PDE4D: variants seen among roughly 807,000 people sequenced by gnomAD.
The protein encoded by PDE4D is phosphodiesterase 4D.
PDE4D carries 24 observed loss-of-function variants against 87.4 expected under a neutral mutation model. The observed-to-expected ratio is 0.27, with a 90% CI of 0.20 to 0.39. The LOEUF (loss-of-function observed/expected upper bound fraction) is 0.39, where lower values mean the gene tolerates loss of function less well. Among genes scored for constraint, PDE4D ranks in the 10% least tolerant of loss-of-function variants. The probability of loss-of-function intolerance (pLI) is 1.00; values close to 1 mark genes in which losing one functional copy is unlikely to be tolerated. For missense variants in PDE4D, 714 were observed against 1,041.0 expected, an observed-to-expected ratio of 0.69 and a Z score of 4.32; for synonymous variants, 384 against 383.2, an observed-to-expected ratio of 1.00 and a Z score of -0.02.
chr5:59,980,826 A>G (rs1761850683), intron 3 of PDE4D, among the ~76,000 whole-genome samples: 2 of 152,334 alleles, frequency 1.3e-5, no homozygotes, highest in Admixed American at 1.3e-4. Flanking sequence ...AGGTGAGAAA[A>G]AAGTCAGCAT....
chr5:59,085,652 A>T (rs1235276078), intron 5 of PDE4D, among the ~76,000 whole-genome samples: 1 of 152,184 alleles, frequency 6.6e-6, no homozygotes, highest in East Asian at 1.9e-4. Context: ...GGCACGGCAA[A>T]ATGTGCGGAT....
chr5:60,471,009 T>C (rs1747776926), intron 1 of PDE4D, among the ~76,000 whole-genome samples: 1 of 152,158 alleles, frequency 6.6e-6, no homozygotes, highest in African/African-American at 2.4e-5. Context: ...ATTCCTCTAA[T>C]GGATATGAGC....
At chr5:59,354,132 C>T (rs1211211333) in intron 1 of PDE4D, among the ~76,000 whole-genome samples, 1 of 151,992 alleles carries the variant, frequency 6.6e-6, no homozygotes, top group East Asian at 1.9e-4. Flanking sequence ...AGAAAAATGA[C>T]ACTACAATAG....
chr5:59,768,487 T>C (rs1763088827), intron 1 of PDE4D: 1 of 1,598,318 alleles, frequency 6.3e-7, no homozygotes, highest in Non-Finnish European at 8.5e-7. Flanking sequence ...TGTTAAAGTG[T>C]CCGGGCTTGT....
chr5:59,018,870 G>A (rs566561714), intron 6 of PDE4D, among the ~76,000 whole-genome samples: 134 of 150,936 alleles, frequency 8.9e-4, no homozygotes, highest in Non-Finnish European at 1.8e-3. Flanking sequence ...TGTCACTCCC[G>A]TTTCACAGAT....
At chr5:59,243,639 T>C (rs1238075911) in intron 1 of PDE4D, among the ~76,000 whole-genome samples, 1 of 151,744 alleles carries the variant, frequency 6.6e-6, no homozygotes, top group African/African-American at 2.4e-5. Context: ...TTTGTATTTT[T>C]AGTAGAGATG....
chr5:60,429,922 A>C (rs1744065281), intron 1 of PDE4D: 1 of 440,076 alleles, frequency 2.3e-6, no homozygotes, highest in Non-Finnish European at 4.5e-6. Context: ...ATTCACACCG[A>C]CTGTAGATTT....
At chr5:60,383,466 C>T (rs751857130) in intron 1 of PDE4D, among the ~76,000 whole-genome samples, 16 of 152,184 alleles carry the variant, frequency 1.1e-4, no homozygotes, top group Non-Finnish European at 2.2e-4. Flanking sequence ...GGAAAACACA[C>T]TACAGCTAAG....
intron 1 of PDE4D, among the ~76,000 whole-genome samples, chr5:59,868,890 T>C (rs1747421320): frequency 6.6e-6 from 1 of 152,192 alleles, no homozygotes; most frequent in Admixed American, 6.5e-5. Context: ...ATTTCCCATC[T>C]CCTCTAAAAC....
intron 1 of PDE4D, among the ~76,000 whole-genome samples, chr5:59,383,159 G>A (rs1476903228): frequency 2.6e-5 from 4 of 152,110 alleles, no homozygotes; most frequent in Admixed American, 2.0e-4. Flanking sequence ...AAATTCAAGT[G>A]TTTCACTCAG....
intron 1 of PDE4D, among the ~76,000 whole-genome samples, chr5:59,399,801 G>C (rs75301047): frequency 0.56 from 56,385 of 100,020 alleles, 22,542 homozygotes; most frequent in Middle Eastern, 0.75. Context: ...AGGCAACCTA[G>C]AAAATGGGAG....
intron 1 of PDE4D, among the ~76,000 whole-genome samples, chr5:59,619,756 G>A (rs1226179963): frequency 2.0e-5 from 3 of 152,106 alleles, no homozygotes; most frequent in Non-Finnish European, 2.9e-5. Flanking sequence ...ATACTGAAGA[G>A]AATCTGAGTA....
chr5:59,695,979 A>G (rs1751724362), intron 1 of PDE4D, among the ~76,000 whole-genome samples: 1 of 152,206 alleles, frequency 6.6e-6, no homozygotes, highest in South Asian at 2.1e-4. Flanking sequence ...GACATGTGGA[A>G]ATATTATGTT....
intron 5 of PDE4D, among the ~76,000 whole-genome samples, chr5:59,066,645 T>C (rs774931042): frequency 4.6e-5 from 7 of 152,252 alleles, no homozygotes; most frequent in Non-Finnish European, 8.8e-5. Flanking sequence ...CTTCATTCTG[T>C]GGCAAAAAGC....
At chr5:59,641,747 T>C (rs1210841832) in intron 1 of PDE4D, among the ~76,000 whole-genome samples, 1 of 152,164 alleles carries the variant, frequency 6.6e-6, no homozygotes, top group Non-Finnish European at 1.5e-5. Flanking sequence ...ACAATTAAAA[T>C]AGCATATTCA....
At chr5:60,080,248 C>T (rs142463481) in intron 2 of PDE4D, among the ~76,000 whole-genome samples, 48 of 152,302 alleles carry the variant, frequency 3.2e-4, no homozygotes, top group Non-Finnish European at 5.7e-4. Context: ...TGAGACTTTG[C>T]TGAAACTGCT....
intron 2 of PDE4D, among the ~76,000 whole-genome samples, chr5:60,020,827 C>A (rs1454505111): frequency 6.6e-6 from 1 of 152,196 alleles, no homozygotes; most frequent in Non-Finnish European, 1.5e-5. Flanking sequence ...TTACATTAAG[C>A]CACAACATAA....
intron 1 of PDE4D, among the ~76,000 whole-genome samples, chr5:59,695,751 G>T (rs886279790): frequency 6.6e-6 from 1 of 152,032 alleles, no homozygotes; most frequent in African/African-American, 2.4e-5. Context: ...ACAGACATGA[G>T]CCACCACACC....
At chr5:59,780,468 G>C (rs1032403669) in intron 1 of PDE4D, among the ~76,000 whole-genome samples, 2 of 152,150 alleles carry the variant, frequency 1.3e-5, no homozygotes, top group African/African-American at 4.8e-5. Context: ...ATTATAGAAG[G>C]GTTTTGAGAA....
Sources: allele counts gnomAD v4.1 joint callset (sites outside exome capture counted in the v4.1 genomes callset), GRCh38; gene constraint gnomAD v4.1.1; transcripts MANE v1.5; gene names NCBI Gene and HGNC (gene_info 2026-07-23, HGNC 2026-07-21).